Variants in TUSC3 observed in about 807,000 individuals in gnomAD.
TUSC3 encodes dolichyl-diphosphooligosaccharide--protein glycosyltransferase subunit TUSC3.
TUSC3 carries 45 observed loss-of-function variants against 44.8 expected under a neutral mutation model. The ratio of observed to expected loss-of-function variants is 1.00; its 90% CI spans 0.79 to 1.29. The LOEUF is 1.29. TUSC3 is among the 50% of genes most tolerant of loss of function. TUSC3 has a pLI of 0.00. For synonymous variants in TUSC3, 212 were observed against 152.9 expected (o/e 1.39, Z -2.85); for missense variants, 519 against 437.9 (o/e 1.19, Z -1.65).
At chr8:15,545,658 C>A (rs1366312769) in intron 1 of TUSC3, among the ~76,000 whole-genome samples, 1 of 151,634 alleles carries the variant, frequency 6.6e-6, no homozygotes, top group African/African-American at 2.4e-5. Flanking sequence ...ACATGCACCA[C>A]CAGCATGTTT....
At chr8:15,664,034 C>A (rs1193077380) in intron 5 of TUSC3, among the ~76,000 whole-genome samples, 1 of 151,742 alleles carries the variant, frequency 6.6e-6, no homozygotes, top group Non-Finnish European at 1.5e-5. Context: ...AAGAAGAGCC[C>A]AGAATTATTG....
intron 2 of TUSC3, among the ~76,000 whole-genome samples, chr8:15,488,160 A>C (rs1976289): frequency 0.59 from 90,282 of 151,758 alleles, 27,364 homozygotes; most frequent in African/African-American, 0.7. Context: ...TTTCCTGAGT[A>C]ACCTAAAATT....
chr8:15,714,367 A>G (rs1276429909), intron 6 of TUSC3, among the ~76,000 whole-genome samples: 3 of 152,170 alleles, frequency 2.0e-5, no homozygotes, highest in Non-Finnish European at 4.4e-5. Flanking sequence ...TCATCAAAAG[A>G]TAGAGGATTG....
chr8:15,778,293 T>G, the TUSC3 span, among the ~76,000 whole-genome samples: 1 of 152,138 alleles, frequency 6.6e-6, no homozygotes, highest in African/African-American at 2.4e-5. Context: ...GGTGAGAGTA[T>G]TACCAGTACT....
At chr8:15,824,790 T>C in the TUSC3 span, among the ~76,000 whole-genome samples, 3 of 152,200 alleles carry the variant, frequency 2.0e-5, no homozygotes, top group Non-Finnish European at 2.9e-5. Flanking sequence ...CCTATGTCTT[T>C]TTTATATAAC....
chr8:15,800,594 A>G, the TUSC3 span, among the ~76,000 whole-genome samples: 5 of 151,750 alleles, frequency 3.3e-5, no homozygotes, highest in Admixed American at 1.3e-4. Flanking sequence ...AAAAAGAAAG[A>G]AAGAAAAACA....
intron 2 of TUSC3, among the ~76,000 whole-genome samples, chr8:15,638,527 T>C (rs1423732005): frequency 7.6e-5 from 10 of 132,298 alleles, no homozygotes; most frequent in East Asian, 2.1e-4. Flanking sequence ...TTTTTTTTTT[T>C]TTTTTTTTTT....
chr8:15,581,368 C>T (rs1283704075), intron 1 of TUSC3, among the ~76,000 whole-genome samples: 11 of 150,220 alleles, frequency 7.3e-5, no homozygotes, highest in South Asian at 4.2e-4. Context: ...TGAGGAACTG[C>T]GTTCCTTTGG....
chr8:15,626,494 T>C (rs1805515649), intron 2 of TUSC3, among the ~76,000 whole-genome samples: 1 of 152,142 alleles, frequency 6.6e-6, no homozygotes, highest in East Asian at 1.9e-4. Context: ...TGTGGACCAG[T>C]ATATCCGTGT....
intron 6 of TUSC3, among the ~76,000 whole-genome samples, chr8:15,687,686 T>A (rs986859222): frequency 4.6e-5 from 7 of 152,180 alleles, no homozygotes; most frequent in Admixed American, 2.6e-4. Context: ...TCCTGCCAAT[T>A]AATTACAACG....
At chr8:15,840,753 T>C in the TUSC3 span, among the ~76,000 whole-genome samples, 2 of 152,178 alleles carry the variant, frequency 1.3e-5, no homozygotes, top group Non-Finnish European at 2.9e-5. Context: ...TTTTTATCCT[T>C]TGAAAGAAAC....
At chr8:15,450,362 C>T (rs1282617595) in intron 1 of TUSC3, among the ~76,000 whole-genome samples, 1 of 151,868 alleles carries the variant, frequency 6.6e-6, no homozygotes, top group Non-Finnish European at 1.5e-5. Flanking sequence ...GTTTTTAGGG[C>T]TGACTTTTCC....
the TUSC3 span, among the ~76,000 whole-genome samples, chr8:15,827,990 G>C: frequency 9.1e-6 from 1 of 110,052 alleles, no homozygotes; most frequent in Non-Finnish European, 1.8e-5. Context: ...GCAGAATTTG[G>C]TATCTTTTTT....
chr8:15,472,609 C>T (rs1421688578), intron 1 of TUSC3, among the ~76,000 whole-genome samples: 1 of 152,070 alleles, frequency 6.6e-6, no homozygotes, highest in Non-Finnish European at 1.5e-5. Flanking sequence ...GTAAGTTTTT[C>T]TTCTGAAACA....
At chr8:15,456,414 A>G (rs982582647) in intron 1 of TUSC3, among the ~76,000 whole-genome samples, 5 of 152,312 alleles carry the variant, frequency 3.3e-5, no homozygotes, top group African/African-American at 9.6e-5. Context: ...TAAAAGACCA[A>G]TTTAAAATGT....
rs181826671 is a variant in TUSC3 at position 15,518,852 on chromosome 8, T to G, written n.189+35369T>G. Among the ~76,000 whole-genome samples the G allele has an allele frequency of 8.5e-5, 13 of 152,258 alleles. No homozygotes were observed. In the East Asian group the frequency reaches 1.7e-3, roughly 20 times the overall value. On this transcript the variant is annotated intron_variant and non_coding_transcript_variant, in intron 2 of 5. Coordinates refer to the TUSC3 transcript ENST00000503191. ...TCAAATTCCCATCTAAATATGAAAA[T>G]ATAATCCCATTTTAAAATAAAAATG...
At chr8:15,474,032 C>T (rs747086896) in intron 1 of TUSC3, among the ~76,000 whole-genome samples, 4 of 152,098 alleles carry the variant, frequency 2.6e-5, no homozygotes, top group Non-Finnish European at 5.9e-5. Context: ...TGTTTATAGA[C>T]CTCCCGCCAG....
At chr8:15,497,592 G>A (rs930885855) in intron 2 of TUSC3, among the ~76,000 whole-genome samples, 1 of 152,212 alleles carries the variant, frequency 6.6e-6, no homozygotes, top group African/African-American at 2.4e-5. Flanking sequence ...GAGGGAATGA[G>A]AGGAGAGGAT....
chr8:15,484,758 A>G (rs1800713452), intron 2 of TUSC3, among the ~76,000 whole-genome samples: 1 of 152,212 alleles, frequency 6.6e-6, no homozygotes, highest in South Asian at 2.1e-4. Flanking sequence ...CAATTTTAAT[A>G]TTCAGAGGGG....
Sources: allele counts gnomAD v4.1 joint callset (sites outside exome capture counted in the v4.1 genomes callset), GRCh38; gene constraint gnomAD v4.1.1; transcripts MANE v1.5; gene names NCBI Gene and HGNC (gene_info 2026-07-23, HGNC 2026-07-21).